Variants in SAXO3 observed in about 807,000 individuals in gnomAD.
SAXO3 encodes the protein stabilizer of axonemal microtubules 3.
At chr19:49,017,998 G>A in the SAXO3 span, 1 of 398,594 alleles carries the variant, frequency 2.5e-6, no homozygotes, top group African/African-American at 2.1e-5. Flanking sequence ...AGCTGCCATA[G>A]CTGGAGTTCT....
chr19:49,018,916 G>A, the SAXO3 span: 363 of 1,534,390 alleles, frequency 2.4e-4, no homozygotes, highest in Admixed American at 5.1e-4. Context: ...GTCAGATAGA[G>A]CTGGCGGCGG....
At chr19:49,020,007 A>T in the SAXO3 span, 1 of 1,487,214 alleles carries the variant, frequency 6.7e-7, no homozygotes, top group Non-Finnish European at 8.9e-7. Context: ...TTGGGCACGT[A>T]GGCCGAGCCA....
the SAXO3 span, chr19:49,018,752 G>A: frequency 1.2e-6 from 1 of 855,548 alleles, no homozygotes; most frequent in East Asian, 2.7e-5. Flanking sequence ...GGTTCTTGCT[G>A]CTACAGAAGT....
At chr19:49,018,983 C>A in the SAXO3 span, 4 of 1,533,254 alleles carry the variant, frequency 2.6e-6, no homozygotes, top group Middle Eastern at 2.2e-4. Context: ...CGGGGTTCTT[C>A]GTCCAGGCAA....
At chr19:49,018,981 T>C in the SAXO3 span, 2 of 1,533,430 alleles carry the variant, frequency 1.3e-6, no homozygotes, top group African/African-American at 2.7e-5. Context: ...CTCGGGGTTC[T>C]TCGTCCAGGC....
chr19:49,020,169 C>T, the SAXO3 span: 1 of 538,054 alleles, frequency 1.9e-6, no homozygotes, highest in Non-Finnish European at 3.2e-6. Context: ...CACCCCCCAC[C>T]CCAAACTCTG....
chr19:49,018,071 C>G, the SAXO3 span: 1 of 398,816 alleles, frequency 2.5e-6, no homozygotes. Flanking sequence ...CGGGCCGCCC[C>G]AGGGCGCCTC....
At chr19:49,019,077 A>G in the SAXO3 span, 5 of 1,458,124 alleles carry the variant, frequency 3.4e-6, no homozygotes, top group African/African-American at 7.1e-5. Flanking sequence ...TCCCGAGTTC[A>G]GAATCCCTCT....
At chr19:49,018,891 T>A in the SAXO3 span, 3 of 1,534,146 alleles carry the variant, frequency 2.0e-6, no homozygotes, top group Admixed American at 5.9e-5. Context: ...GAACCGAAAG[T>A]CCCGCGCCGA....
the SAXO3 span, chr19:49,018,403 C>G: frequency 2.9e-6 from 3 of 1,032,094 alleles, no homozygotes; most frequent in Non-Finnish European, 3.7e-6. Context: ...TTTCAGACCT[C>G]GGGATCTAAG....
chr19:49,018,545 G>A, the SAXO3 span, among the ~76,000 whole-genome samples: 1 of 152,094 alleles, frequency 6.6e-6, no homozygotes, highest in African/African-American at 2.4e-5. Flanking sequence ...TCGCATCCTA[G>A]GGAAGTAAAA....
chr19:49,019,736 C>A, the SAXO3 span: 47 of 1,176,112 alleles, frequency 4.0e-5, no homozygotes, highest in Middle Eastern at 2.0e-4. Context: ...CTGGGAGAGC[C>A]AGTGTACTGC....
chr19:49,019,695 C>T, the SAXO3 span: 28 of 1,219,118 alleles, frequency 2.3e-5, no homozygotes, highest in South Asian at 4.4e-5. Context: ...GGGGCTGGGG[C>T]CCGAAGTATT....
the SAXO3 span, chr19:49,018,183 C>G: frequency 2.3e-6 from 1 of 429,046 alleles, no homozygotes; most frequent in Admixed American, 4.4e-5. Context: ...GCCGAGGTCA[C>G]CGGGCTGACG....
At chr19:49,020,346 G>T in the SAXO3 span, 6 of 414,628 alleles carry the variant, frequency 1.4e-5, no homozygotes, top group African/African-American at 1.2e-4. Flanking sequence ...CTCCAGGCCC[G>T]GCAGGGCTGC....
chr19:49,020,325 T>A, the SAXO3 span: 1 of 415,276 alleles, frequency 2.4e-6, no homozygotes, highest in African/African-American at 2.1e-5. Context: ...TTAGCCCCTA[T>A]CTTTCTGGGT....
chr19:49,020,050 G>A, the SAXO3 span: 1 of 1,433,682 alleles, frequency 7.0e-7, no homozygotes, highest in South Asian at 1.5e-5. Context: ...GGACCTCGTC[G>A]AAAGCCCAGT....
the SAXO3 span, chr19:49,019,293 C>T: frequency 2.3e-5 from 28 of 1,201,816 alleles, no homozygotes; most frequent in Non-Finnish European, 2.9e-5. Context: ...CTCCCTGGTT[C>T]CGCTCTGTCT....
chr19:49,018,194 C>T, the SAXO3 span: 1 of 453,964 alleles, frequency 2.2e-6, no homozygotes, highest in Non-Finnish European at 3.6e-6. Flanking sequence ...CGGGCTGACG[C>T]GCGGCACGCG....
Sources: allele counts gnomAD v4.1 joint callset (sites outside exome capture counted in the v4.1 genomes callset), GRCh38; gene constraint gnomAD v4.1.1; transcripts MANE v1.5; gene names NCBI Gene and HGNC (gene_info 2026-07-23, HGNC 2026-07-21).